PLXDC2: variants seen among roughly 807,000 people sequenced by gnomAD.
PLXDC2 encodes plexin domain-containing protein 2.
Under a neutral mutation model 68.9 loss-of-function variants are expected in PLXDC2, and 40 were observed. The ratio of observed to expected loss-of-function variants is 0.58; its 90% CI spans 0.45 to 0.76. The LOEUF is 0.76. Among genes scored for constraint, PLXDC2 ranks in the 30% least tolerant of loss-of-function variants. The probability of loss-of-function intolerance (pLI) is 0.00; values close to 1 mark genes in which losing one functional copy is unlikely to be tolerated. For synonymous variants in PLXDC2, 243 were observed against 234.2 expected, an observed-to-expected ratio of 1.04 and a Z score of -0.34; for missense variants, 644 against 661.9, an observed-to-expected ratio of 0.97 and a Z score of 0.30.
In PLXDC2 at chr10:20,230,693, C is replaced by CAAAAAAAAAAAAAAA. The variant is rs1191613913; in HGVS notation, c.1312+11598_1312+11612dup. 8.2e-3 allele frequency among the ~76,000 whole-genome samples: 308 copies of CAAAAAAAAAAAAAAA among 37,760 alleles called. 53 individuals are homozygous for CAAAAAAAAAAAAAAA. Among genetic ancestry groups the CAAAAAAAAAAAAAAA allele is most frequent in the Middle Eastern group, 0.045 (1 of 22 alleles). The allele number at this position is 37,760 out of a possible 152,430, so 24.8% of individuals were successfully genotyped here. ...TGGGCTACAGAGTGAGACCTTGTCT[C>CAAAAAAAAAAAAAAA]AAAAAAAAAAAAAAAAAAAAACAGG... On this transcript the variant is annotated intron_variant, in intron 12 of 13. Coordinates refer to ENST00000377252, the MANE Select transcript of PLXDC2 (RefSeq NM_032812.9).
intron 1 of PLXDC2, among the ~76,000 whole-genome samples, chr10:19,833,875 C>T (rs1248024955): frequency 2.0e-5 from 3 of 149,632 alleles, no homozygotes; most frequent in African/African-American, 7.4e-5. Flanking sequence ...TAAGAAATGT[C>T]AAAATAAAAA....
At chr10:20,260,477 C>T (rs1167040907) in intron 13 of PLXDC2, among the ~76,000 whole-genome samples, 6 of 152,290 alleles carry the variant, frequency 3.9e-5, no homozygotes, top group Non-Finnish European at 5.9e-5. Flanking sequence ...GCTAATTTCA[C>T]TTAGCACAGT....
intron 9 of PLXDC2, among the ~76,000 whole-genome samples, chr10:20,180,088 G>A (rs939645736): frequency 5.3e-5 from 8 of 151,946 alleles, no homozygotes; most frequent in South Asian, 4.1e-4. Context: ...TGAAACTGGC[G>A]TAAGAAGAAT....
At chr10:19,846,481 T>G (rs1837012199) in intron 1 of PLXDC2, among the ~76,000 whole-genome samples, 1 of 152,160 alleles carries the variant, frequency 6.6e-6, no homozygotes, top group Non-Finnish European at 1.5e-5. Context: ...ATGTGATACC[T>G]TCCATTTATC....
chr10:20,001,856 G>A lies in PLXDC2; in HGVS notation c.194G>A (p.Trp65Ter). 6.2e-7 allele frequency: 1 copy of A among 1,614,018 alleles called. No individual in the cohort carries two copies. The highest frequency in any genetic ancestry group is 8.5e-7 in the Non-Finnish European group (1 of 1,179,990). ...GATTCACACGCGTACAGCCACAGGT[G>A]GAAAAGAAACTTGGACTTTCTCAAG... The part of the protein sequence containing the change: ...EVDSHAYSHR[W>*]KRNLDFLKAV... Residue 65 changes from tryptophan (W) to a stop codon, truncating the protein, a stop_gained, in exon 2 of 14, where the codon TGG becomes TAG. Transcript: ENST00000377252. LOFTEE classifies it high-confidence loss of function.
intron 2 of PLXDC2, among the ~76,000 whole-genome samples, chr10:20,022,129 T>C (rs1307304975): frequency 6.6e-6 from 1 of 152,238 alleles, no homozygotes; most frequent in East Asian, 1.9e-4. Context: ...CTCCTCTATA[T>C]ATCTGTTTAT....
intron 7 of PLXDC2, among the ~76,000 whole-genome samples, chr10:20,164,965 G>A (rs773122991): frequency 1.3e-5 from 2 of 151,972 alleles, no homozygotes; most frequent in African/African-American, 2.4e-5. Flanking sequence ...ACGGGCATGC[G>A]CTATCATGCT....
At chr10:19,877,092 A>G (rs1837646007) in intron 1 of PLXDC2, among the ~76,000 whole-genome samples, 1 of 152,180 alleles carries the variant, frequency 6.6e-6, no homozygotes, top group South Asian at 2.1e-4. Flanking sequence ...TGATCACTGA[A>G]TTCTGTGGTG....
At chr10:20,135,315 A>C (rs936521047) in intron 4 of PLXDC2, among the ~76,000 whole-genome samples, 1 of 152,240 alleles carries the variant, frequency 6.6e-6, no homozygotes, top group Non-Finnish European at 1.5e-5. Flanking sequence ...AAGGGTTGGC[A>C]TGCATAGTCT....
chr10:20,255,370 C>A (rs1273820599), intron 13 of PLXDC2, among the ~76,000 whole-genome samples: 4 of 152,130 alleles, frequency 2.6e-5, no homozygotes, highest in African/African-American at 9.6e-5. Flanking sequence ...TATTCTGATT[C>A]TTTTCTTCTG....
At chr10:19,962,683 C>G (rs1255429199) in intron 1 of PLXDC2, among the ~76,000 whole-genome samples, 1 of 148,156 alleles carries the variant, frequency 6.7e-6, no homozygotes. Context: ...AGCCACCGCG[C>G]CCGGCTCAGC....
At chr10:20,232,017 A>T (rs1251017166) in intron 12 of PLXDC2, among the ~76,000 whole-genome samples, 1 of 151,982 alleles carries the variant, frequency 6.6e-6, no homozygotes, top group Non-Finnish European at 1.5e-5. Flanking sequence ...AAAAAAAAAA[A>T]ATTAAATTCT....
At chr10:20,218,857 T>C (rs954254859) in intron 11 of PLXDC2, among the ~76,000 whole-genome samples, 1 of 152,146 alleles carries the variant, frequency 6.6e-6, no homozygotes, top group Non-Finnish European at 1.5e-5. Flanking sequence ...ACCAAAATCT[T>C]GACATTACAA....
chr10:20,022,675 C>T (rs1010097459), intron 2 of PLXDC2, among the ~76,000 whole-genome samples: 24 of 152,244 alleles, frequency 1.6e-4, no homozygotes, highest in Admixed American at 7.2e-4. Flanking sequence ...TTTGCTTGCA[C>T]GATAGCCTCC....
At chr10:20,123,694 G>A (rs1044071591) in intron 4 of PLXDC2, among the ~76,000 whole-genome samples, 1 of 151,956 alleles carries the variant, frequency 6.6e-6, no homozygotes, top group Non-Finnish European at 1.5e-5. Flanking sequence ...CGGAGGGAAG[G>A]GGTTCGGGGG....
intron 4 of PLXDC2, among the ~76,000 whole-genome samples, chr10:20,086,244 C>T (rs537473113): frequency 5.6e-4 from 85 of 152,196 alleles, no homozygotes; most frequent in African/African-American, 2.0e-3. Context: ...ACTGCAGCCT[C>T]GACCTCCTGG....
intron 1 of PLXDC2, among the ~76,000 whole-genome samples, chr10:19,980,148 T>C (rs747667848): frequency 1.3e-5 from 2 of 152,138 alleles, no homozygotes; most frequent in Non-Finnish European, 2.9e-5. Context: ...GTCTATTTGA[T>C]GGTGTGACTG....
At chr10:19,883,744 G>C (rs988124510) in intron 1 of PLXDC2, among the ~76,000 whole-genome samples, 1 of 151,842 alleles carries the variant, frequency 6.6e-6, no homozygotes, top group Non-Finnish European at 1.5e-5. Context: ...GAAAAATTCA[G>C]TTTAAGCATT....
intron 1 of PLXDC2, among the ~76,000 whole-genome samples, chr10:19,885,421 C>A (rs1411485218): frequency 6.6e-6 from 1 of 152,108 alleles, no homozygotes; most frequent in East Asian, 1.9e-4. Flanking sequence ...GACATGAAGT[C>A]CTTGCCCGTG....
Sources: allele counts gnomAD v4.1 joint callset (sites outside exome capture counted in the v4.1 genomes callset), GRCh38; gene constraint gnomAD v4.1.1; transcripts MANE v1.5; gene names NCBI Gene and HGNC (gene_info 2026-07-23, HGNC 2026-07-21).